SLC30A8: variants seen among roughly 807,000 people sequenced by gnomAD.
SLC30A8 encodes the protein solute carrier family 30 member 8, also known as proton-coupled zinc antiporter SLC30A8.
A neutral mutation model predicts 36.9 loss-of-function variants in SLC30A8; 27 were observed. The ratio of observed to expected loss-of-function variants is 0.73; its 90% CI spans 0.54 to 1.01. SLC30A8 has a LOEUF of 1.01. Ranked by LOEUF, SLC30A8 falls within the 50% of genes least tolerant of loss-of-function variation. The probability of loss-of-function intolerance (pLI) is 0.00; values close to 1 mark genes in which losing one functional copy is unlikely to be tolerated. For synonymous variants in SLC30A8, 164 were observed against 172.4 expected (o/e 0.95, Z 0.38); for missense variants, 439 against 452.0 (o/e 0.97, Z 0.26).
At chr8:117,064,432 G>A (rs550731041) in intron 2 of SLC30A8, among the ~76,000 whole-genome samples, 1 of 152,154 alleles carries the variant, frequency 6.6e-6, no homozygotes, top group Admixed American at 6.6e-5. Flanking sequence ...TTACCAGGAG[G>A]ATGTCTCAGG....
intron 1 of SLC30A8, 179 bp from the exon 2 acceptor site, chr8:117,146,775 A>C (rs1821916313): frequency 7.1e-7 from 1 of 1,400,894 alleles, no homozygotes; most frequent in Admixed American, 2.9e-5. Flanking sequence ...GAAGTTTAGA[A>C]GGAAATTTCT....
chr8:117,131,963 CCTAA>C (rs1192633013), upstream of SLC30A8, among the ~76,000 whole-genome samples: 2 of 152,074 alleles, frequency 1.3e-5, no homozygotes, highest in Admixed American at 6.6e-5. Flanking sequence ...AAATTGTCTA[CCTAA>C]CTAACTTGAA....
intron 2 of SLC30A8, among the ~76,000 whole-genome samples, chr8:117,076,242 C>T (rs1042218664): frequency 6.6e-6 from 1 of 152,264 alleles, no homozygotes; most frequent in African/African-American, 2.4e-5. Context: ...CCTATGAAAA[C>T]ATCCAGGTAA....
chr8:117,042,016 C>G (rs1194340125), intron 2 of SLC30A8, among the ~76,000 whole-genome samples: 1 of 152,208 alleles, frequency 6.6e-6, no homozygotes, highest in Non-Finnish European at 1.5e-5. Context: ...CAGTCTTCAT[C>G]TCTATCCTAA....
chr8:117,168,100 A>G (rs1458472925), intron 6 of SLC30A8, among the ~76,000 whole-genome samples: 1 of 132,892 alleles, frequency 7.5e-6, no homozygotes, highest in Admixed American at 7.0e-5. Context: ...TGATTCAATT[A>G]TCTTCACCTG....
At chr8:117,117,757 G>C (rs1820509094) in intron 2 of SLC30A8, among the ~76,000 whole-genome samples, 1 of 151,872 alleles carries the variant, frequency 6.6e-6, no homozygotes, top group Admixed American at 6.6e-5. Context: ...AGCATCTCAC[G>C]AACCAATATG....
At chr8:117,097,969 AAAT>A (rs923689861) in intron 2 of SLC30A8, among the ~76,000 whole-genome samples, 10 of 121,458 alleles carry the variant, frequency 8.2e-5, no homozygotes, top group African/African-American at 2.6e-4. Flanking sequence ...TATATTAAAT[AAAT>A]AATAAATTTA....
At chr8:117,136,735 A>G (rs1341973857) in intron 1 of SLC30A8, among the ~76,000 whole-genome samples, 1 of 152,020 alleles carries the variant, frequency 6.6e-6, no homozygotes, top group African/African-American at 2.4e-5. Context: ...TACTATCAAT[A>G]GAGCATCTCC....
chr8:117,152,776 A>G (rs894084914), intron 2 of SLC30A8, among the ~76,000 whole-genome samples, 168 bp from the exon 3 acceptor site: 1 of 152,218 alleles, frequency 6.6e-6, no homozygotes, highest in Non-Finnish European at 1.5e-5. Context: ...TGTTCAAATC[A>G]TATCCCCTCT....
chr8:117,155,638 G>A (rs954873024), intron 3 of SLC30A8, among the ~76,000 whole-genome samples: 2 of 152,138 alleles, frequency 1.3e-5, no homozygotes, highest in African/African-American at 4.8e-5. Context: ...GGAAATAATT[G>A]CCATACACTG....
At chr8:117,074,429 T>C (rs1818428305) in intron 2 of SLC30A8, among the ~76,000 whole-genome samples, 1 of 152,198 alleles carries the variant, frequency 6.6e-6, no homozygotes, top group Non-Finnish European at 1.5e-5. Context: ...TAACTACATA[T>C]GACTTGCTTA....
intron 2 of SLC30A8, among the ~76,000 whole-genome samples, chr8:117,052,895 G>A (rs996587874): frequency 6.7e-6 from 1 of 149,598 alleles, no homozygotes; most frequent in Non-Finnish European, 1.5e-5. Flanking sequence ...AGTATGTGAA[G>A]TCTCCTTTTT....
intron 2 of SLC30A8, among the ~76,000 whole-genome samples, chr8:117,051,868 G>A (rs1038538294): frequency 6.6e-6 from 1 of 152,024 alleles, no homozygotes; most frequent in Non-Finnish European, 1.5e-5. Flanking sequence ...TCCTCACTCT[G>A]TTTTGCTCCC....
At chr8:117,039,630 A>G (rs1817321534) in intron 2 of SLC30A8, among the ~76,000 whole-genome samples, 1 of 152,238 alleles carries the variant, frequency 6.6e-6, no homozygotes, top group African/African-American at 2.4e-5. Flanking sequence ...AGGACAGAAG[A>G]GGACATTGTT....
rs138052007 is a variant in SLC30A8 at position 117,003,275 on chromosome 8, C to T, written c.-265-35944C>T. On this transcript the variant is annotated intron_variant, in intron 1 of 10. Coordinates refer to the SLC30A8 transcript ENST00000427715. ...AAGAAACAAAATGGTATTGTCAACA[C>T]GTATGTAATAAGAACTACCATTTAT... is the stretch of plus-strand genomic sequence containing the variant. Among the ~76,000 whole-genome samples the T allele has an allele frequency of 4.0e-3, 604 of 152,144 alleles. 3 individuals are homozygous for T. The highest frequency in any genetic ancestry group is 0.014 in the African/African-American group (563 of 41,478).
At chr8:116,982,797 TA>T (rs946630925) in intron 1 of SLC30A8, among the ~76,000 whole-genome samples, 3 of 152,266 alleles carry the variant, frequency 2.0e-5, no homozygotes, top group African/African-American at 4.8e-5. Flanking sequence ...GGGGCACATA[TA>T]TTTTTTTAAA....
chr8:117,049,938 A>G (rs2130770390), intron 2 of SLC30A8, among the ~76,000 whole-genome samples: 1 of 152,254 alleles, frequency 6.6e-6, no homozygotes, highest in South Asian at 2.1e-4. Context: ...TCTGGGATCT[A>G]TTTTAAAGTG....
intron 2 of SLC30A8, among the ~76,000 whole-genome samples, chr8:117,079,750 A>T (rs1259936694): frequency 1.3e-5 from 2 of 152,222 alleles, no homozygotes; most frequent in African/African-American, 2.4e-5. Context: ...GGTCCATAGT[A>T]AGGAACAGAT....
chr8:116,976,644 C>A (rs1393737459), intron 1 of SLC30A8, among the ~76,000 whole-genome samples: 1 of 152,022 alleles, frequency 6.6e-6, no homozygotes, highest in Admixed American at 6.6e-5. Context: ...GAGGGCAAAG[C>A]CAGGAGCGCA....
Sources: allele counts gnomAD v4.1 joint callset (sites outside exome capture counted in the v4.1 genomes callset), GRCh38; gene constraint gnomAD v4.1.1; transcripts MANE v1.5; gene names NCBI Gene and HGNC (gene_info 2026-07-23, HGNC 2026-07-21).